LONP1: variants seen among roughly 807,000 people sequenced by gnomAD.
LONP1 encodes lon protease homolog, mitochondrial.
In LONP1, 31 loss-of-function variants were observed where a neutral mutation model predicts 98.5. The observed-to-expected ratio is 0.31, with a 90% CI of 0.24 to 0.42. The LOEUF is 0.42. Ranked by LOEUF, LONP1 falls within the 20% of genes least tolerant of loss-of-function variation. The pLI is 1.00. For missense variants in LONP1, 1,336 were observed against 1,350.6 expected, an observed-to-expected ratio of 0.99 and a Z score of 0.17; for synonymous variants, 781 against 594.7, an observed-to-expected ratio of 1.31 and a Z score of -4.56.
chr19:5,713,280 T>C (rs778293034), intron 2 of LONP1, 27 bp from the exon 3 acceptor site: 5 of 1,613,854 alleles, frequency 3.1e-6, no homozygotes, highest in East Asian at 4.5e-5. Context: ...CAGAGGAATG[T>C]TGGAACATGG....
chr19:5,706,939 G>A, intron 7 of LONP1, 121 bp downstream of exon 7: 1 of 756,996 alleles, frequency 1.3e-6, no homozygotes, highest in East Asian at 2.7e-5. Flanking sequence ...ACCCAGACAG[G>A]CCTTCTTGGC....
At chr19:5,714,392 C>G (rs1448443285) in intron 1 of LONP1, 121 bp from the exon 2 acceptor site, 2 of 671,178 alleles carry the variant, frequency 3.0e-6, no homozygotes, top group East Asian at 5.4e-5. Flanking sequence ...AACCTCCACC[C>G]CCACTGAGTT....
Position 5,709,573 on chromosome 19 carries a change from A to T in LONP1, c.871-1170T>A, listed in dbSNP as rs1284496059. Among the ~76,000 whole-genome samples, 5 of 151,992 alleles carry T rather than the reference A, an allele frequency of 3.3e-5. No homozygotes were observed. The East Asian group carries it at 9.7e-4, about 29-fold the overall frequency. On this transcript the variant is annotated intron_variant, in intron 4 of 17. Coordinates refer to ENST00000360614, the MANE Select transcript of LONP1 (RefSeq NM_004793.4). ...AACTGTCTGAGCTGACCCTGGTAGA[A>T]GGCACCAGAACAGGCCCACTGGAGG...
chr19:5,697,665 G>A (rs934938866), intron 10 of LONP1, among the ~76,000 whole-genome samples: 1 of 150,516 alleles, frequency 6.6e-6, no homozygotes, highest in Non-Finnish European at 1.5e-5. Context: ...TTTGACCGAG[G>A]AACGTGGGAG....
intron 11 of LONP1, 96 bp downstream of exon 11, chr19:5,696,573 CT>C: frequency 7.3e-7 from 1 of 1,376,190 alleles, no homozygotes. Flanking sequence ...GCGATGGCCC[CT>C]GAGTTGGCTC....
intron 17 of LONP1, 34 bp downstream of exon 17, chr19:5,693,261 CCTG>C: frequency 6.3e-7 from 1 of 1,579,174 alleles, no homozygotes; most frequent in Non-Finnish European, 8.6e-7. Flanking sequence ...TGGTGTGGGC[CCTG>C]CCAGTGCTGT....
At position 5,715,678 on chromosome 19, in the gene LONP1, AAG is replaced by A. The variant is rs1277191643; in HGVS notation, c.430-1409_430-1408del. 4.2e-3 allele frequency among the ~76,000 whole-genome samples: 512 copies of A among 122,286 alleles called. 49 individuals carry two copies. Among genetic ancestry groups the A allele is most frequent in the Non-Finnish European group, 7.2e-3 (396 of 55,338 alleles). 80.2% of individuals were successfully genotyped at this position (122,286 alleles called of 152,430 possible). A position where few individuals can be genotyped will look rare whatever the true frequency, so the allele number is the denominator to read the frequency against. On this transcript the variant is annotated intron_variant, in intron 1 of 17. Transcript: ENST00000360614. ...AAAAAAAAAAAAAAAAAAAAAAAAA[AAG>A]AAAGTTTCACTCTGCCACCCAGGCT...
At position 5,693,395 on chromosome 19, in the gene LONP1, A is replaced by G. The variant is rs763934401; in HGVS notation, c.2606T>C (p.Met869Thr). 25 of 1,612,930 alleles carry G rather than the reference A, an allele frequency of 1.5e-5. No individual in the cohort carries two copies. Among genetic ancestry groups the G allele is most frequent in the African/African-American group, 2.7e-5 (2 of 74,910 alleles). The change falls in exon 17 of 18, where the codon ATG (methionine) becomes ACG (threonine). Residue 869 changes from methionine (M) to threonine (T), a missense_variant. This residue lies in a region of LONP1 where 555 missense variants were observed against 542.6 expected (regional missense o/e 1.02). Transcript: ENST00000360614. ...TIVTALLSLA[M>T]GRPVRQNLAM... ...CAGATTCTGCCGGACAGGCCTGCCC[A>G]TGGCCAGGGACAGCAGGGCCGTGAC...
At chr19:5,703,750 G>C (rs1040656387) in intron 8 of LONP1, among the ~76,000 whole-genome samples, 2 of 152,062 alleles carry the variant, frequency 1.3e-5, no homozygotes, top group East Asian at 3.9e-4. Flanking sequence ...GGGTGGGAGA[G>C]GTAGCTGGCA....
rs2055160220 is a variant in LONP1, at chr19:5,707,205, A to T, written c.1063-62T>A. On this transcript the variant is annotated intron_variant, in intron 6 of 17. Transcript: ENST00000360614. ...GTCGGCATCTGTGTGTGTAGGGCCGAGGTTGGGGGAAAATGCGCACCCTGA... is the reference window on the plus strand; with the variant it reads ...GTCGGCATCTGTGTGTGTAGGGCCGTGGTTGGGGGAAAATGCGCACCCTGA... 6.4e-6 allele frequency: 9 copies of T among 1,395,496 alleles called. No individual in the cohort carries two copies. In the South Asian group the frequency reaches 9.4e-5, roughly 15 times the overall value. The allele number at this position is 1,395,496 out of a possible 1,614,324, so 86.4% of individuals were successfully genotyped here.
At chr19:5,710,105 CAG>C (rs1323386234) in intron 4 of LONP1, among the ~76,000 whole-genome samples, 2 of 144,394 alleles carry the variant, frequency 1.4e-5, no homozygotes, top group East Asian at 2.0e-4. Context: ...TTTTTTGAGA[CAG>C]AGTTTTGCTC....
At position 5,714,185 on chromosome 19, in the gene LONP1, G is replaced by T. The variant is rs754353727; in HGVS notation, c.516C>A (p.Asp172Glu). The T allele has an allele frequency of 6.2e-6, 10 of 1,612,348 alleles. No individual in the cohort carries two copies. Residue 172 changes from aspartate (D) to glutamate (E), a missense_variant and splice_region_variant, in exon 2 of 18, where the codon GAC (aspartate) becomes GAA (glutamate). Coordinates refer to ENST00000360614, the MANE Select transcript of LONP1 (RefSeq NM_004793.4). The part of the protein sequence containing the change: ...PYVGVFLKRD[D>E]SNESDVVESL... ...AATGAAGGAAAAATCACACTTACCT[G>T]TCATCTCTCTTTAGAAAGACGCCGA...
intron 10 of LONP1, 141 bp downstream of exon 10, chr19:5,698,884 CTT>C: frequency 1.1e-6 from 1 of 888,066 alleles, no homozygotes; most frequent in Non-Finnish European, 1.6e-6. Context: ...CATGGCTGGA[CTT>C]TTCAGTTACT....
chr19:5,701,584 C>T (rs1383334017), intron 8 of LONP1, among the ~76,000 whole-genome samples: 10 of 152,352 alleles, frequency 6.6e-5, no homozygotes, highest in South Asian at 2.1e-4. Context: ...CCGCCGGCCT[C>T]GGCCTCCCGA....
Position 5,696,293 on chromosome 19 carries a change from T to G in LONP1, c.1852A>C (p.Asn618His), listed in dbSNP as rs2145584099. Residue 618 changes from asparagine to histidine, a missense_variant, in exon 12 of 18, where the codon AAC (asparagine) becomes CAC (histidine). By Grantham distance (68) the Asn-to-His change is moderately conservative. Coordinates refer to ENST00000360614, the MANE Select transcript of LONP1 (RefSeq NM_004793.4). ...ACGTCCAGGTAGTGGTCCAGGAAGT[T>G]GGCATTCTGCTCTGGGTCCAGCAGC... ...LELLDPEQNA[N>H]FLDHYLDVPV... 1 of 1,613,428 alleles carries G rather than the reference T, an allele frequency of 6.2e-7. No homozygotes were observed. The highest frequency in any genetic ancestry group is 1.7e-5 in the Admixed American group (1 of 60,012).
At chr19:5,714,296 G>A (rs750719926) in intron 1 of LONP1, 25 bp from the exon 2 acceptor site, 1 of 1,522,568 alleles carries the variant, frequency 6.6e-7, no homozygotes. Context: ...ACCCCAAAGT[G>A]AAATGCAGAG....
At chr19:5,703,228 C>T (rs1485393861) in intron 8 of LONP1, among the ~76,000 whole-genome samples, 1 of 152,040 alleles carries the variant, frequency 6.6e-6, no homozygotes, top group East Asian at 1.9e-4. Context: ...TCCAAAGCAC[C>T]CAGTGCAGGA....
At chr19:5,693,208 C>T in intron 17 of LONP1, 90 bp downstream of exon 17, 1 of 1,481,322 alleles carries the variant, frequency 6.8e-7, no homozygotes, top group Non-Finnish European at 9.2e-7. Flanking sequence ...CTCTCCTTGG[C>T]CCAGGCAGAG....
chr19:5,706,718 A>T (rs1416596376), intron 7 of LONP1, among the ~76,000 whole-genome samples: 1 of 152,192 alleles, frequency 6.6e-6, no homozygotes, highest in Non-Finnish European at 1.5e-5. Context: ...CTTAAGAAAC[A>T]GCATCTTCAC....
Sources: gnomAD v4.1 joint callset for allele counts (sites outside exome capture counted in the v4.1 genomes callset) on GRCh38, gnomAD v4.1.1 for gene constraint, gnomAD v4.1.1 regional missense constraint, MANE v1.5 for transcripts, NCBI Gene and HGNC (gene_info 2026-07-23, HGNC 2026-07-21) for gene names.